The following OTUD4 variants were observed in gnomAD, a reference collection of about 807,000 sequenced individuals.
The protein encoded by OTUD4 is OTU deubiquitinase 4, also known as OTU domain-containing protein 4.
OTUD4 carries 24 observed loss-of-function variants against 130.4 expected under a neutral mutation model. That is an observed-to-expected ratio of 0.18 (90% CI 0.13 to 0.26). The LOEUF (loss-of-function observed/expected upper bound fraction) is 0.26, where lower values mean the gene tolerates loss of function less well. Ranked by LOEUF, OTUD4 falls within the 10% of genes least tolerant of loss-of-function variation. The probability of loss-of-function intolerance (pLI) is 1.00; values close to 1 mark genes in which losing one functional copy is unlikely to be tolerated. For missense variants in OTUD4, 1,031 were observed against 1,329.4 expected (o/e 0.78, Z 3.49); for synonymous variants, 420 against 472.5 (o/e 0.89, Z 1.44).
At chr4:145,154,334 C>T (rs1579261583) in intron 10 of OTUD4, among the ~76,000 whole-genome samples, 1 of 152,304 alleles carries the variant, frequency 6.6e-6, no homozygotes, top group South Asian at 2.1e-4. Context: ...TTTAAATACC[C>T]CAGAACCAGA....
chr4:145,179,799 G>GC lies in OTUD4; in HGVS notation c.159+15dup, dbSNP rs931903374. ...CCCGCCTCCCCTCGAAGCCCTCCCC[G>GC]CCCCCCCGCAATTACCTGCTCCGCC... On this transcript the variant is annotated intron_variant, in intron 1 of 20. Coordinates refer to ENST00000447906, the MANE Select transcript of OTUD4 (RefSeq NM_001366057.1). 133 of 196,714 alleles carry GC rather than the reference G, an allele frequency of 6.8e-4. No homozygotes were observed. The highest frequency in any genetic ancestry group is 1.0e-3 in the East Asian group (5 of 4,922). 12.2% of individuals were successfully genotyped at this position (196,714 alleles called of 1,614,324 possible).
intron 3 of OTUD4, among the ~76,000 whole-genome samples, chr4:145,166,894 A>G (rs1436310695): frequency 6.6e-6 from 1 of 152,238 alleles, no homozygotes; most frequent in Non-Finnish European, 1.5e-5. Context: ...ATTCATTCAA[A>G]AGAATGAGGT....
chr4:145,164,037 T>A, intron 5 of OTUD4, 117 bp downstream of exon 5: 1 of 589,208 alleles, frequency 1.7e-6, no homozygotes, highest in South Asian at 1.9e-5. Flanking sequence ...CAGAATACCA[T>A]AACCTTAATA....
At position 145,141,555 on chromosome 4, in the gene OTUD4, G is replaced by A. The variant is rs774868060; in HGVS notation, c.1907C>T (p.Thr636Ile). 4 of 1,610,202 alleles carry A rather than the reference G, an allele frequency of 2.5e-6. No homozygotes were observed. Among genetic ancestry groups the A allele is most frequent in the East Asian group, 2.2e-5 (1 of 44,632 alleles). Residue 636 changes from threonine (T) to isoleucine (I), a missense_variant, in exon 19 of 21, where the codon ACA becomes ATA. This residue lies in a region of OTUD4 where 900 missense variants were observed against 1,095.9 expected (regional missense o/e 0.82). Transcript: ENST00000447906. ...PDSAVSQAHL[T>I]PSPVPVSIQA... ...TATTGACACAGGAACTGGAGAGGGT[G>A]TTAAATGAGCTTGGGATACAGCTGA...
At chr4:145,159,778 C>A (rs1182764933) in intron 6 of OTUD4, 143 bp from the exon 7 acceptor site, 5 of 741,736 alleles carry the variant, frequency 6.7e-6, no homozygotes, top group Non-Finnish European at 1.1e-5. Context: ...TGGTCAATAA[C>A]ATAATTTTAT....
intron 2 of OTUD4, among the ~76,000 whole-genome samples, chr4:145,174,105 C>T (rs566212217): frequency 2.7e-5 from 4 of 150,142 alleles, no homozygotes; most frequent in African/African-American, 7.4e-5. Context: ...CTCCTGGGTT[C>T]GAGCAATCCT....
rs1750597180 is a variant in OTUD4, at chr4:145,142,202, G to C, written c.1816C>G (p.Pro606Ala). The C allele has an allele frequency of 6.2e-7, 1 of 1,613,436 alleles. No homozygotes were observed. Among genetic ancestry groups the C allele is most frequent in the Admixed American group, 1.7e-5 (1 of 59,924 alleles). Residue 606 changes from proline to alanine, a missense_variant, in exon 18 of 21, where the codon CCA becomes GCA. Around this residue, in one of 3 missense-constraint regions of OTUD4, gnomAD observed 900 missense variants for 1,095.9 expected, o/e 0.82. Transcript: ENST00000447906. ...AWPSEPTTFG[P>A]TGVPAPIPVL... is the part of the protein sequence containing the mutation. ...TTCTAAACCCTTCTCTAACCTGTTG[G>C]TCCAAAAGTTGTAGGTTCACTTGGC... is the stretch of plus-strand genomic sequence containing the variant.
At chr4:145,156,812 C>T (rs147515085) in intron 7 of OTUD4, among the ~76,000 whole-genome samples, 615 of 152,286 alleles carry the variant, frequency 4.0e-3, no homozygotes, top group Admixed American at 9.2e-3. Context: ...TGATTGTCTA[C>T]TATGTGCCAT....
chr4:145,152,171 G>A (rs1451373200), intron 11 of OTUD4, among the ~76,000 whole-genome samples: 1 of 152,168 alleles, frequency 6.6e-6, no homozygotes, highest in African/African-American at 2.4e-5. Context: ...TCGCCAGGCT[G>A]GAGTGCAGTG....
At chr4:145,174,494 A>G (rs1752328605) in intron 2 of OTUD4, among the ~76,000 whole-genome samples, 167 bp downstream of exon 2, 1 of 152,232 alleles carries the variant, frequency 6.6e-6, no homozygotes, top group South Asian at 2.1e-4. Flanking sequence ...AGAAAACAAC[A>G]TAACTGAATA....
Position 145,174,704 on chromosome 4 carries a change from G to C in OTUD4, c.200C>G (p.Ala67Gly). The C allele has an allele frequency of 6.2e-7, 1 of 1,610,142 alleles. No homozygotes were observed. The highest frequency in any genetic ancestry group is 8.5e-7 in the Non-Finnish European group (1 of 1,176,528). ...GTTCTCTCGAAGATAGTGAATACAGGCCATTCTGACTTCAACATGGCGAGA... is the reference window on the plus strand; with the variant it reads ...GTTCTCTCGAAGATAGTGAATACAGCCCATTCTGACTTCAACATGGCGAGA... The part of the protein sequence containing the change: ...SQSRHVEVRM[A>G]CIHYLRENRE... The change falls in exon 2 of 21, where the codon GCC (alanine) becomes GGC (glycine). Residue 67 changes from alanine (A) to glycine (G), a missense_variant. Around this residue, in one of 3 missense-constraint regions of OTUD4, gnomAD observed 77 missense variants for 172.9 expected, o/e 0.45. Transcript: ENST00000447906.
chr4:145,161,341 G>A (rs1751554389), intron 6 of OTUD4, among the ~76,000 whole-genome samples: 1 of 152,200 alleles, frequency 6.6e-6, no homozygotes, highest in Admixed American at 6.5e-5. Context: ...CTAGGAGGGA[G>A]AAGACACAGC....
chr4:145,177,303 T>C (rs1204275364), intron 1 of OTUD4, among the ~76,000 whole-genome samples: 1 of 152,248 alleles, frequency 6.6e-6, no homozygotes, highest in Non-Finnish European at 1.5e-5. Flanking sequence ...GCATATCTAC[T>C]GGTTCTTCTC....
intron 1 of OTUD4, among the ~76,000 whole-genome samples, chr4:145,175,736 G>C (rs1406971880): frequency 6.6e-6 from 1 of 151,686 alleles, no homozygotes; most frequent in Non-Finnish European, 1.5e-5. Flanking sequence ...GTAGAGACAG[G>C]GTTTCACCAT....
intron 13 of OTUD4, among the ~76,000 whole-genome samples, chr4:145,146,687 A>C (rs1178615045): frequency 6.6e-6 from 1 of 152,168 alleles, no homozygotes; most frequent in Non-Finnish European, 1.5e-5. Flanking sequence ...GAAGACAAAC[A>C]GCAATGGGAG....
In OTUD4 at chr4:145,142,343, A is replaced by G. The variant is rs111557565; in HGVS notation, c.1684-9T>C. 1 of 1,613,364 alleles carries G rather than the reference A, an allele frequency of 6.2e-7. No homozygotes were observed. Among genetic ancestry groups the G allele is most frequent in the Non-Finnish European group, 8.5e-7 (1 of 1,179,676 alleles). ...ACATGTTCTGCTGGCTTCTTCAAGA[A>G]AGGGGTGAGTGGGGGAAGACAGAAA... is the stretch of plus-strand genomic sequence containing the variant. On this transcript the variant is annotated splice_polypyrimidine_tract_variant and intron_variant, in intron 17 of 20. Coordinates refer to ENST00000447906, the MANE Select transcript of OTUD4 (RefSeq NM_001366057.1).
At chr4:145,170,375 C>T (rs1478767882) in intron 3 of OTUD4, among the ~76,000 whole-genome samples, 1 of 152,236 alleles carries the variant, frequency 6.6e-6, no homozygotes, top group Non-Finnish European at 1.5e-5. Flanking sequence ...ACAATTGGAA[C>T]TGTTTTCTGA....
Position 145,138,181 on chromosome 4 carries a change from T to A in OTUD4, c.2594A>T (p.Tyr865Phe). The change falls in exon 21 of 21, where the codon TAC (tyrosine) becomes TTC (phenylalanine). Residue 865 changes from tyrosine to phenylalanine, a missense_variant. Tyr to Phe is a conservative substitution (Grantham distance 22). Transcript: ENST00000447906. ...PPFFPHVWYG[Y>F]PFQGFIENPV... is the part of the protein sequence containing the mutation. Reference sequence around the variant, plus strand: ...ATTTTCTATGAATCCCTGAAAAGGGTACCCATACCAAACATGAGGAAAGAA... The same window carrying A: ...ATTTTCTATGAATCCCTGAAAAGGGAACCCATACCAAACATGAGGAAAGAA... The A allele has an allele frequency of 1.2e-6, 2 of 1,613,956 alleles. No individual in the cohort carries two copies. Among genetic ancestry groups the A allele is most frequent in the Non-Finnish European group, 1.7e-6 (2 of 1,179,868 alleles).
At position 145,150,965 on chromosome 4, in the gene OTUD4, T is replaced by C. The variant is rs527816097; in HGVS notation, c.969-60A>G. The C allele has an allele frequency of 5.1e-6, 5 of 973,876 alleles. No individual in the cohort carries two copies. In the Admixed American group the frequency reaches 1.4e-4, roughly 26 times the overall value. 60.3% of individuals were successfully genotyped at this position (973,876 alleles called of 1,614,324 possible). A position where few individuals can be genotyped will look rare whatever the true frequency, so the allele number is the denominator to read the frequency against. On this transcript the variant is annotated intron_variant, in intron 11 of 20. Coordinates refer to ENST00000447906, the MANE Select transcript of OTUD4 (RefSeq NM_001366057.1). ...TACCCTAGTAAGAATAGTTAAATATTCTGCATATTTATTTTCAGCTTATAT... is the reference window on the plus strand; with the variant it reads ...TACCCTAGTAAGAATAGTTAAATATCCTGCATATTTATTTTCAGCTTATAT...
Sources: gnomAD v4.1 joint callset for allele counts (sites outside exome capture counted in the v4.1 genomes callset) on GRCh38, gnomAD v4.1.1 for gene constraint, gnomAD v4.1.1 regional missense constraint, MANE v1.5 for transcripts, NCBI Gene and HGNC (gene_info 2026-07-23, HGNC 2026-07-21) for gene names.